LCP2: variants seen among roughly 807,000 people sequenced by gnomAD.
LCP2 encodes 76 kDa tyrosine phosphoprotein.
LCP2 carries 29 observed loss-of-function variants against 74.5 expected under a neutral mutation model. The ratio of observed to expected loss-of-function variants is 0.39; its 90% CI spans 0.29 to 0.53. The LOEUF is 0.53. LCP2 is among the 20% of genes least tolerant of loss of function. The probability of loss-of-function intolerance (pLI) is 0.72; values close to 1 mark genes in which losing one functional copy is unlikely to be tolerated. For synonymous variants in LCP2, 228 were observed against 229.5 expected (o/e 0.99, Z 0.06); for missense variants, 604 against 634.6 (o/e 0.95, Z 0.52).
chr5:170,278,714 G>A (rs1762053123), intron 3 of LCP2, among the ~76,000 whole-genome samples: 1 of 152,108 alleles, frequency 6.6e-6, no homozygotes, highest in African/African-American at 2.4e-5. Flanking sequence ...TCTCTGCGGT[G>A]TTGCCTCTCA....
intron 2 of LCP2, among the ~76,000 whole-genome samples, chr5:170,290,952 A>AAAAG (rs201112309): frequency 0.034 from 3,966 of 116,794 alleles, 85 homozygotes; most frequent in East Asian, 0.086. Context: ...AGAAAGAAAG[A>AAAAG]AAAGAAAGAA....
Position 170,252,423 on chromosome 5 carries a change from TAG to T in LCP2, c.1323+9_1323+10del. 1 of 1,485,514 alleles carries T rather than the reference TAG, an allele frequency of 6.7e-7. No individual in the cohort carries two copies. Among genetic ancestry groups the T allele is most frequent in the Non-Finnish European group, 9.3e-7 (1 of 1,071,372 alleles). The allele number at this position is 1,485,514 out of a possible 1,614,324, so 92.0% of individuals were successfully genotyped here. A position where few individuals can be genotyped will look rare whatever the true frequency, so the allele number is the denominator to read the frequency against. On this transcript the variant is annotated intron_variant, in intron 19 of 20. Transcript: ENST00000046794. ...TTTACAACTATGTTAAAATAAACTA[TAG>T]CACAATACCTGGTTTATCTTTCTAA...
At chr5:170,289,681 CTCTCTTTCTT>C (rs1262774469) in intron 2 of LCP2, among the ~76,000 whole-genome samples, 23 of 143,500 alleles carry the variant, frequency 1.6e-4, no homozygotes, top group African/African-American at 6.1e-4. Flanking sequence ...TTCTCTCTCT[CTCTCTTTCTT>C]TCTTTCTTTC....
chr5:170,273,920 C>CGGGGG lies in LCP2; in HGVS notation c.324+376_324+380dup, dbSNP rs3833445. The CGGGGG allele has an allele frequency of 4.4e-3, 381 of 85,926 alleles. 3 individuals are homozygous for CGGGGG. The highest frequency in any genetic ancestry group is 0.012 in the African/African-American group (350 of 30,232). The allele number at this position is 85,926 out of a possible 1,614,324, so 5.3% of individuals were successfully genotyped here. ...TTCTAGGAGTGTCCATTTTTGGAGA[C>CGGGGG]GGGGGGGTAGTGGGTGGGGGTTGGT... On this transcript the variant is annotated intron_variant, in intron 6 of 20. Transcript: ENST00000046794.
At chr5:170,260,768 G>A (rs987787075) in intron 14 of LCP2, among the ~76,000 whole-genome samples, 2 of 152,200 alleles carry the variant, frequency 1.3e-5, no homozygotes, top group African/African-American at 4.8e-5. Context: ...AGTAGCCTTG[G>A]AAATTTAGGC....
At chr5:170,286,522 T>G (rs1404344464) in intron 3 of LCP2, among the ~76,000 whole-genome samples, 1 of 152,226 alleles carries the variant, frequency 6.6e-6, no homozygotes, top group Non-Finnish European at 1.5e-5. Context: ...CTCTCCAGCA[T>G]AGTAGTCACC....
At chr5:170,295,738 G>T (rs1762367568) in intron 1 of LCP2, among the ~76,000 whole-genome samples, 1 of 152,194 alleles carries the variant, frequency 6.6e-6, no homozygotes, top group African/African-American at 2.4e-5. Flanking sequence ...AGAATCTGAA[G>T]GGTTTCTATC....
At chr5:170,253,308 A>AC in intron 17 of LCP2, 95 bp from the exon 18 acceptor site, 1 of 798,800 alleles carries the variant, frequency 1.3e-6, no homozygotes, top group Non-Finnish European at 2.0e-6. Flanking sequence ...CCCCCAAAAA[A>AC]ATACCCTTGC....
intron 6 of LCP2, chr5:170,273,973 G>C (rs921030664): frequency 2.4e-5 from 7 of 295,564 alleles, no homozygotes; most frequent in African/African-American, 1.3e-4. Context: ...AGTCAGCAAA[G>C]TACAGCCTAG....
At chr5:170,293,701 T>C (rs1192765027) in intron 1 of LCP2, among the ~76,000 whole-genome samples, 1 of 152,248 alleles carries the variant, frequency 6.6e-6, no homozygotes, top group East Asian at 1.9e-4. Context: ...ATCCATTGTC[T>C]CGATGCCCAG....
chr5:170,287,485 C>T lies in LCP2; in HGVS notation c.188+485G>A, dbSNP rs903991879. ...GACATGAATGATCAATCACAGCTCC[C>T]TTTCCTCGGGATTCTTCTCAACATA... On this transcript the variant is annotated intron_variant, in intron 3 of 20. Transcript: ENST00000046794. Among the ~76,000 whole-genome samples the T allele has an allele frequency of 8.5e-5, 13 of 152,350 alleles. 2 individuals carry two copies. The highest frequency in any genetic ancestry group is 4.6e-4 in the Admixed American group (7 of 15,306).
At chr5:170,291,214 GAAGGAAGGAAGA>G (rs1309153417) in intron 2 of LCP2, among the ~76,000 whole-genome samples, 16 of 149,260 alleles carry the variant, frequency 1.1e-4, no homozygotes, top group African/African-American at 4.0e-4. Context: ...AGGAAGGAAG[GAAGGAAGGAAGA>G]AAGGAAGGAA....
At chr5:170,277,326 A>G (rs926562998) in intron 3 of LCP2, among the ~76,000 whole-genome samples, 6 of 152,098 alleles carry the variant, frequency 3.9e-5, no homozygotes, top group African/African-American at 1.4e-4. Context: ...CTGCTTAATG[A>G]CCATCTCGAA....
intron 2 of LCP2, among the ~76,000 whole-genome samples, chr5:170,290,131 C>T (rs747172938): frequency 1.3e-5 from 2 of 152,176 alleles, no homozygotes; most frequent in Admixed American, 6.5e-5. Context: ...CCCTCCTCCA[C>T]CTTTTCCAAA....
At position 170,267,078 on chromosome 5, in the gene LCP2, G is replaced by A. The variant is rs776679778; in HGVS notation, c.622-3C>T. The A allele has an allele frequency of 1.2e-6, 2 of 1,613,718 alleles. No individual in the cohort carries two copies. Among genetic ancestry groups the A allele is most frequent in the East Asian group, 4.5e-5 (2 of 44,882 alleles). On this transcript the variant is annotated splice_region_variant and splice_polypyrimidine_tract_variant and intron_variant, in intron 8 of 20. Transcript: ENST00000046794. Reference sequence around the variant, plus strand: ...TTGGTCTGGGGTGGGGGCAGTGGCTGCATAAAGATCCAAACGTTAGGAAGC... The same window carrying A: ...TTGGTCTGGGGTGGGGGCAGTGGCTACATAAAGATCCAAACGTTAGGAAGC...
chr5:170,262,609 A>C (rs530006917), intron 13 of LCP2, 26 bp downstream of exon 13: 1 of 1,557,208 alleles, frequency 6.4e-7, no homozygotes, highest in African/African-American at 1.4e-5. Flanking sequence ...TGTGAGTGAC[A>C]AGCTCAAGCA....
chr5:170,265,513 T>G (rs1353903019), intron 10 of LCP2, among the ~76,000 whole-genome samples: 2 of 152,204 alleles, frequency 1.3e-5, no homozygotes, highest in East Asian at 3.8e-4. Context: ...TGCGAAGGAT[T>G]TGATGTCAGT....
At chr5:170,280,939 G>A (rs1012149640) in intron 3 of LCP2, among the ~76,000 whole-genome samples, 3 of 152,176 alleles carry the variant, frequency 2.0e-5, no homozygotes, top group Non-Finnish European at 2.9e-5. Context: ...AGGAGGCGGA[G>A]GTTGCAGTGA....
At chr5:170,251,800 C>T in intron 19 of LCP2, 1 of 339,186 alleles carries the variant, frequency 2.9e-6, no homozygotes, top group South Asian at 2.1e-5. Flanking sequence ...CAAGGTGAGA[C>T]CCAGGAATCG....
Sources: gnomAD v4.1 joint callset for allele counts (sites outside exome capture counted in the v4.1 genomes callset) on GRCh38, gnomAD v4.1.1 for gene constraint, MANE v1.5 for transcripts, NCBI Gene and HGNC (gene_info 2026-07-23, HGNC 2026-07-21) for gene names.